Variants in MGAT4C observed in about 807,000 individuals in gnomAD.
MGAT4C encodes alpha-1,3-mannosyl-glycoprotein 4-beta-N-acetylglucosaminyltransferase C.
A neutral mutation model predicts 40.1 loss-of-function variants in MGAT4C; 19 were observed. That is an observed-to-expected ratio of 0.47 (90% confidence interval 0.33 to 0.70). The LOEUF is 0.70. Ranked by LOEUF, MGAT4C falls within the 30% of genes least tolerant of loss-of-function variation. The probability of loss-of-function intolerance (pLI) is 0.02; values close to 1 mark genes in which losing one functional copy is unlikely to be tolerated. For synonymous variants in MGAT4C, 181 were observed against 187.1 expected, an observed-to-expected ratio of 0.97 and a Z score of 0.27; for missense variants, 491 against 563.2, an observed-to-expected ratio of 0.87 and a Z score of 1.30.
chr12:86,163,697 A>G (rs576162268), intron 1 of MGAT4C, among the ~76,000 whole-genome samples: 140 of 152,322 alleles, frequency 9.2e-4, no homozygotes, highest in African/African-American at 3.2e-3. Flanking sequence ...AAAAAATACA[A>G]CTTTATGAAA....
intron 2 of MGAT4C, among the ~76,000 whole-genome samples, chr12:86,603,643 T>C (rs1279378716): frequency 1.6e-5 from 2 of 127,124 alleles, no homozygotes; most frequent in African/African-American, 3.0e-5. Context: ...CTATATATAG[T>C]ATATATTATA....
At chr12:86,796,157 A>G (rs1952114072) in intron 1 of MGAT4C, among the ~76,000 whole-genome samples, 5 of 141,410 alleles carry the variant, frequency 3.5e-5, no homozygotes, top group East Asian at 2.0e-4. Context: ...TTTTTTTTTC[A>G]TGTCTGCTGT....
chr12:85,989,558 G>A lies in MGAT4C; in HGVS notation c.-6-6C>T. 1 of 1,585,160 alleles carries A rather than the reference G, an allele frequency of 6.3e-7. No homozygotes were observed. ...TGAAATTTAAACATTCTCTTCTGTG[G>A]AAAAGAGACACAGAATTACTAGCAG... is the stretch of plus-strand genomic sequence containing the variant. On this transcript the variant is annotated splice_region_variant and splice_polypyrimidine_tract_variant and intron_variant, in intron 2 of 4. Transcript: ENST00000611864.
chr12:86,309,901 T>G (rs1954026968), intron 4 of MGAT4C, among the ~76,000 whole-genome samples: 1 of 152,084 alleles, frequency 6.6e-6, no homozygotes, highest in African/African-American at 2.4e-5. Flanking sequence ...TTGCACAGTG[T>G]GCACTAAAAA....
At chr12:86,625,405 A>C (rs1247582291) in intron 2 of MGAT4C, among the ~76,000 whole-genome samples, 2 of 152,200 alleles carry the variant, frequency 1.3e-5, no homozygotes, top group Admixed American at 1.3e-4. Context: ...GGAAAATATC[A>C]ATAGAGATAT....
chr12:86,836,202 G>A (rs1953034191), intron 1 of MGAT4C, among the ~76,000 whole-genome samples: 1 of 151,916 alleles, frequency 6.6e-6, no homozygotes, highest in African/African-American at 2.4e-5. Flanking sequence ...ATAGTTAAAG[G>A]AGAATTTGAA....
At chr12:86,165,944 T>A (rs1268632398) in intron 1 of MGAT4C, among the ~76,000 whole-genome samples, 1 of 152,162 alleles carries the variant, frequency 6.6e-6, no homozygotes, top group Non-Finnish European at 1.5e-5. Context: ...AACAGCTAAA[T>A]GCTTGTAGAT....
chr12:86,105,617 G>A (rs942747738), intron 1 of MGAT4C, among the ~76,000 whole-genome samples: 3 of 152,064 alleles, frequency 2.0e-5, no homozygotes, highest in African/African-American at 7.2e-5. Context: ...ATTCCATACT[G>A]TACTTTTTAT....
At chr12:86,230,705 A>T (rs1192460957) in intron 1 of MGAT4C, among the ~76,000 whole-genome samples, 1 of 152,132 alleles carries the variant, frequency 6.6e-6, no homozygotes, top group Non-Finnish European at 1.5e-5. Context: ...TTATATGGGA[A>T]AGGAAAAACT....
At chr12:86,816,531 GA>G (rs1298187022) in intron 1 of MGAT4C, among the ~76,000 whole-genome samples, 1 of 151,568 alleles carries the variant, frequency 6.6e-6, no homozygotes, top group Non-Finnish European at 1.5e-5. Context: ...GCTTTAATAT[GA>G]AGGTTACGTA....
At chr12:86,339,914 T>G (rs541656869) in intron 3 of MGAT4C, among the ~76,000 whole-genome samples, 38 of 152,306 alleles carry the variant, frequency 2.5e-4, no homozygotes, top group African/African-American at 8.2e-4. Context: ...CTACAGTACA[T>G]AGAGCAGCAC....
chr12:85,977,222 TA>T lies in MGAT4C; in HGVS notation c.*2066del, dbSNP rs1884058036. ...ATTCCCAGAAGAATATGTAAGGGGT[TA>T]CAACTCATTTCAGGGAGTCTGCCTA... On this transcript the variant is annotated 3_prime_UTR_variant, in exon 5 of 5. Transcript: ENST00000611864. 2 of 151,414 alleles carry T rather than the reference TA, an allele frequency of 1.3e-5. No individual in the cohort carries two copies. The highest frequency in any genetic ancestry group is 4.8e-5 in the African/African-American group (2 of 41,394). 9.4% of individuals were successfully genotyped at this position (151,414 alleles called of 1,614,324 possible). A position where few individuals can be genotyped will look rare whatever the true frequency, so the allele number is the denominator to read the frequency against.
chr12:86,122,122 G>T (rs764274787), intron 1 of MGAT4C, among the ~76,000 whole-genome samples: 1 of 152,000 alleles, frequency 6.6e-6, no homozygotes, highest in South Asian at 2.1e-4. Flanking sequence ...CTATGTCATT[G>T]TTAACCATTA....
intron 4 of MGAT4C, among the ~76,000 whole-genome samples, chr12:86,301,787 A>G (rs1259164567): frequency 1.3e-5 from 2 of 152,220 alleles, no homozygotes; most frequent in Non-Finnish European, 2.9e-5. Flanking sequence ...TCTCATTTTA[A>G]TACTTCTCAA....
intron 1 of MGAT4C, among the ~76,000 whole-genome samples, chr12:86,139,288 G>C (rs1882491994): frequency 6.6e-6 from 1 of 151,896 alleles, no homozygotes; most frequent in Non-Finnish European, 1.5e-5. Flanking sequence ...TCTTTCCTCA[G>C]GCATGACCAT....
In MGAT4C at chr12:85,976,168, C is replaced by T. The variant is rs566926836; in HGVS notation, c.*3121G>A. On this transcript the variant is annotated 3_prime_UTR_variant, in exon 5 of 5. Coordinates refer to ENST00000611864, the MANE Select transcript of MGAT4C (RefSeq NM_001351288.2). ...TAAAAATTCCCAGAGAATACTGGCC[C>T]AGTAAGAAATGGAATGTTCACAACT... The T allele has an allele frequency of 1.1e-3, 161 of 150,858 alleles. No individual in the cohort carries two copies. Among genetic ancestry groups the T allele is most frequent in the Middle Eastern group, 0.01 (3 of 294 alleles). The allele number at this position is 150,858 out of a possible 1,614,324, so 9.3% of individuals were successfully genotyped here.
At chr12:86,478,514 C>T (rs1019888342) in intron 2 of MGAT4C, among the ~76,000 whole-genome samples, 1 of 152,086 alleles carries the variant, frequency 6.6e-6, no homozygotes, top group Non-Finnish European at 1.5e-5. Context: ...GGCAAATTTG[C>T]TGATATTGTG....
At chr12:86,008,186 T>C (rs1161210298) in intron 2 of MGAT4C, among the ~76,000 whole-genome samples, 1 of 152,052 alleles carries the variant, frequency 6.6e-6, no homozygotes, top group African/African-American at 2.4e-5. Flanking sequence ...TAAATTATTA[T>C]ACAATCAACT....
At chr12:86,708,025 C>T (rs894869394) in intron 2 of MGAT4C, among the ~76,000 whole-genome samples, 3 of 152,196 alleles carry the variant, frequency 2.0e-5, no homozygotes, top group Non-Finnish European at 4.4e-5. Flanking sequence ...TAACAAGGAG[C>T]TGAATGCTAA....
Sources: allele counts gnomAD v4.1 joint callset (sites outside exome capture counted in the v4.1 genomes callset), GRCh38; gene constraint gnomAD v4.1.1; transcripts MANE v1.5; gene names NCBI Gene and HGNC (gene_info 2026-07-23, HGNC 2026-07-21).